The following SLC25A40 variants were observed in gnomAD, a reference collection of about 807,000 sequenced individuals.
The protein encoded by SLC25A40 is solute carrier family 25 member 40, also known as mitochondrial glutathione transporter SLC25A40.
In SLC25A40, 41 loss-of-function variants were observed where a neutral mutation model predicts 46.5. The observed-to-expected ratio is 0.88, with a 90% confidence interval of 0.69 to 1.14. The LOEUF (loss-of-function observed/expected upper bound fraction) is 1.14. SLC25A40 is among the 50% of genes most tolerant of loss of function. The pLI, the probability that SLC25A40 is intolerant of heterozygous loss-of-function variation, is 0.00. For synonymous variants in SLC25A40, 126 were observed against 127.5 expected (o/e 0.99, Z 0.08); for missense variants, 386 against 393.6 (o/e 0.98, Z 0.16).
At chr7:87,846,333 C>G (rs945877205) in intron 8 of SLC25A40, among the ~76,000 whole-genome samples, 3 of 152,112 alleles carry the variant, frequency 2.0e-5, no homozygotes, top group Non-Finnish European at 4.4e-5. Context: ...GAGTTTCTCT[C>G]TAGATAAGTA....
chr7:87,861,369 G>A (rs1838696638), intron 1 of SLC25A40, among the ~76,000 whole-genome samples: 1 of 152,098 alleles, frequency 6.6e-6, no homozygotes, highest in Non-Finnish European at 1.5e-5. Flanking sequence ...TTGGATATTA[G>A]ATAATATTTC....
chr7:87,864,958 T>C (rs927845406), intron 1 of SLC25A40, among the ~76,000 whole-genome samples: 35 of 150,412 alleles, frequency 2.3e-4, no homozygotes, highest in African/African-American at 8.3e-4. Flanking sequence ...GATTTGTTGA[T>C]TTTTTTCTTT....
rs575936954 is a variant in SLC25A40 at position 87,870,505 on chromosome 7, C to T, written c.-94+5591G>A. Among the ~76,000 whole-genome samples the T allele has an allele frequency of 3.7e-4, 57 of 152,304 alleles. No individual in the cohort carries two copies. In the South Asian group the frequency reaches 7.0e-3, roughly 19 times the overall value. On this transcript the variant is annotated intron_variant, in intron 1 of 11. Coordinates refer to ENST00000341119, the MANE Select transcript of SLC25A40 (RefSeq NM_018843.4). ...GCAGATCCCCAGTGAGGACCCCACCCTCAAGCCTGGAATTGCAGCCCAAAG... is the reference window on the plus strand; with the variant it reads ...GCAGATCCCCAGTGAGGACCCCACCTTCAAGCCTGGAATTGCAGCCCAAAG...
intron 1 of SLC25A40, among the ~76,000 whole-genome samples, chr7:87,872,797 A>G (rs1220692958): frequency 6.6e-6 from 1 of 152,152 alleles, no homozygotes; most frequent in African/African-American, 2.4e-5. Context: ...CCCTGTCTCT[A>G]CTAAAAATAC....
rs1282243193 is a variant in SLC25A40 at position 87,836,343 on chromosome 7, A to G, written c.923T>C (p.Ile308Thr). The change falls in exon 12 of 12, where the codon ATT (isoleucine) becomes ACT (threonine). Residue 308 changes from isoleucine (I) to threonine (T), a missense_variant. Coordinates refer to ENST00000341119, the MANE Select transcript of SLC25A40 (RefSeq NM_018843.4). ...GLFSGLIPRL[I>T]KIAPACAIMI... ...AATGGCACAAGCAGGAGCAATTTTA[A>G]TTAAGCGAGGAATTAGGCCTGAGAA... The G allele has an allele frequency of 1.3e-6, 2 of 1,548,832 alleles. No individual in the cohort carries two copies. Among genetic ancestry groups the G allele is most frequent in the Admixed American group, 2.1e-5 (1 of 48,204 alleles).
chr7:87,850,870 T>C (rs973123863), intron 5 of SLC25A40, among the ~76,000 whole-genome samples: 3 of 152,164 alleles, frequency 2.0e-5, no homozygotes, highest in Admixed American at 2.0e-4. Context: ...ACTTCATACC[T>C]ACTAAATAAG....
At chr7:87,861,808 C>A (rs1184509206) in intron 1 of SLC25A40, among the ~76,000 whole-genome samples, 2 of 152,024 alleles carry the variant, frequency 1.3e-5, no homozygotes, top group African/African-American at 4.8e-5. Context: ...AAATTAAATC[C>A]AGAAAACTTT....
chr7:87,868,067 T>C (rs1208785753), intron 1 of SLC25A40, among the ~76,000 whole-genome samples: 1 of 152,062 alleles, frequency 6.6e-6, no homozygotes, highest in Non-Finnish European at 1.5e-5. Context: ...CACCTTTTAC[T>C]CTGCCTGCCC....
In SLC25A40 at chr7:87,850,160, G is replaced by T. The variant is rs533639363; in HGVS notation, c.265-212C>A. 2.0e-5 allele frequency among the ~76,000 whole-genome samples: 3 copies of T among 152,232 alleles called. No individual in the cohort carries two copies. The South Asian group carries it at 6.2e-4, about 32-fold the overall frequency. ...GGATGATACTAACTTCTTACAGAAT[G>T]AAGTCTATATTACTCAGCTCTAGAT... On this transcript the variant is annotated intron_variant, in intron 5 of 11. Coordinates refer to ENST00000341119, the MANE Select transcript of SLC25A40 (RefSeq NM_018843.4).
chr7:87,844,641 C>T (rs1165852777), intron 8 of SLC25A40, among the ~76,000 whole-genome samples: 1 of 150,600 alleles, frequency 6.6e-6, no homozygotes, highest in African/African-American at 2.4e-5. Flanking sequence ...ATATCCAAAC[C>T]AAAAAAATAG....
At chr7:87,843,913 A>C in intron 8 of SLC25A40, 50 bp from the exon 9 acceptor site, 1 of 1,473,354 alleles carries the variant, frequency 6.8e-7, no homozygotes, top group Non-Finnish European at 9.3e-7. Context: ...TAAAATGTGG[A>C]CTTTAATAAA....
intron 10 of SLC25A40, among the ~76,000 whole-genome samples, chr7:87,838,245 A>T (rs541337636): frequency 6.6e-6 from 1 of 151,628 alleles, no homozygotes; most frequent in Non-Finnish European, 1.5e-5. Flanking sequence ...TCATGTTTAA[A>T]TTATTTCATT....
intron 10 of SLC25A40, among the ~76,000 whole-genome samples, chr7:87,839,687 T>C (rs892506958): frequency 6.6e-6 from 1 of 151,742 alleles, no homozygotes. Context: ...TCCAGTAGAT[T>C]ATGAGCTCTT....
chr7:87,840,822 A>G (rs117798396), intron 10 of SLC25A40, among the ~76,000 whole-genome samples: 28 of 151,936 alleles, frequency 1.8e-4, no homozygotes, highest in Non-Finnish European at 3.4e-4. Flanking sequence ...CATCAGATTC[A>G]TTTGTAGAGG....
In SLC25A40 at chr7:87,836,985, A is replaced by T. The variant is rs77757476; in HGVS notation, c.824-175T>A. ...ATTTTTAATAGTTAGATTCATTAAAAATAATAAACAGAAAAAGGCTGTATG... is the reference window on the plus strand; with the variant it reads ...ATTTTTAATAGTTAGATTCATTAAATATAATAAACAGAAAAAGGCTGTATG... On this transcript the variant is annotated intron_variant, in intron 10 of 11. Coordinates refer to ENST00000341119, the MANE Select transcript of SLC25A40 (RefSeq NM_018843.4). 976 of 362,708 alleles carry T rather than the reference A, an allele frequency of 2.7e-3. 27 individuals are homozygous for T. The East Asian group carries it at 0.035, about 13-fold the overall frequency. 22.5% of individuals were successfully genotyped at this position (362,708 alleles called of 1,614,324 possible). A position where few individuals can be genotyped will look rare whatever the true frequency, so the allele number is the denominator to read the frequency against.
intron 5 of SLC25A40, among the ~76,000 whole-genome samples, chr7:87,850,407 A>C (rs935736574): frequency 6.6e-6 from 1 of 152,226 alleles, no homozygotes; most frequent in Non-Finnish European, 1.5e-5. Flanking sequence ...AAAAAGATAA[A>C]GTAATTAAAA....
intron 2 of SLC25A40, 82 bp downstream of exon 2, chr7:87,860,490 T>C (rs1838680287): frequency 1.3e-5 from 2 of 152,342 alleles, no homozygotes; most frequent in Admixed American, 1.3e-4. Context: ...CATATTCCAA[T>C]TCTGTCAATA....
intron 10 of SLC25A40, chr7:87,837,050 G>A (rs1398467383): frequency 3.1e-5 from 7 of 227,146 alleles, no homozygotes; most frequent in Non-Finnish European, 6.0e-5. Flanking sequence ...AAGGAGGAAT[G>A]TACTGAAGGT....
At chr7:87,858,857 AAG>A (rs1838653277) in intron 2 of SLC25A40, 106 bp from the exon 3 acceptor site, 15 of 651,650 alleles carry the variant, frequency 2.3e-5, no homozygotes, top group Non-Finnish European at 3.3e-5. Context: ...TAAGACAACT[AAG>A]AGAGAATTAA....
Sources: gnomAD v4.1 joint callset for allele counts (sites outside exome capture counted in the v4.1 genomes callset) on GRCh38, gnomAD v4.1.1 for gene constraint, MANE v1.5 for transcripts, NCBI Gene and HGNC (gene_info 2026-07-23, HGNC 2026-07-21) for gene names.